TTC29: variants seen among roughly 807,000 people sequenced by gnomAD.
TTC29 encodes tetratricopeptide repeat domain 29.
Under a neutral mutation model 58.1 loss-of-function variants are expected in TTC29, and 49 were observed. The observed-to-expected ratio is 0.84, with a 90% CI of 0.67 to 1.07. TTC29 has a LOEUF of 1.07. Among genes scored for constraint, TTC29 ranks in the 50% least tolerant of loss-of-function variants. The pLI is 0.00. For missense variants in TTC29, 582 were observed against 555.6 expected (o/e 1.05, Z -0.48); for synonymous variants, 209 against 196.8 (o/e 1.06, Z -0.52).
intron 8 of TTC29, among the ~76,000 whole-genome samples, chr4:146,839,785 A>G (rs1728738904): frequency 6.6e-6 from 1 of 151,492 alleles, no homozygotes; most frequent in Admixed American, 6.6e-5. Context: ...ATTCCGCAAT[A>G]CCTTGGCATC....
chr4:146,745,611 G>T (rs191481411), intron 11 of TTC29, among the ~76,000 whole-genome samples: 1 of 152,210 alleles, frequency 6.6e-6, no homozygotes, highest in Non-Finnish European at 1.5e-5. Flanking sequence ...TCAATAGGTG[G>T]ACGGTTGCTT....
intron 11 of TTC29, among the ~76,000 whole-genome samples, chr4:146,771,100 C>T (rs1014250815): frequency 2.6e-5 from 4 of 151,996 alleles, no homozygotes; most frequent in African/African-American, 9.7e-5. Flanking sequence ...ATATACACAT[C>T]ATAATTTTTG....
intron 6 of TTC29, among the ~76,000 whole-genome samples, chr4:146,898,312 G>A (rs1017376189): frequency 7.9e-5 from 12 of 152,172 alleles, no homozygotes; most frequent in African/African-American, 2.4e-4. Context: ...GGGAGTGCTG[G>A]TAGTTATTTC....
chr4:146,848,944 A>C (rs1178848275), intron 8 of TTC29, among the ~76,000 whole-genome samples: 1 of 152,218 alleles, frequency 6.6e-6, no homozygotes, highest in African/African-American at 2.4e-5. Flanking sequence ...CCAAGCACAC[A>C]TCCCAAGGTG....
intron 8 of TTC29, among the ~76,000 whole-genome samples, chr4:146,852,501 A>G (rs985947285): frequency 6.6e-6 from 1 of 152,200 alleles, no homozygotes; most frequent in Non-Finnish European, 1.5e-5. Context: ...CTGCCCCAGT[A>G]GCCCTACTCA....
intron 10 of TTC29, 144 bp downstream of exon 10, chr4:146,819,981 C>T (rs1579752746): frequency 1.9e-6 from 2 of 1,069,382 alleles, no homozygotes; most frequent in Non-Finnish European, 2.7e-6. Context: ...TTGCCATGGA[C>T]ATTAACTACA....
chr4:146,728,381 C>A (rs1246106893), intron 11 of TTC29, among the ~76,000 whole-genome samples: 1 of 151,814 alleles, frequency 6.6e-6, no homozygotes, highest in Admixed American at 6.6e-5. Flanking sequence ...TGTTTGCAAT[C>A]TTTTGTAATA....
chr4:146,945,586 T>G (rs1736860734), intron 1 of TTC29, 123 bp downstream of exon 1: 1 of 152,514 alleles, frequency 6.6e-6, no homozygotes, highest in Non-Finnish European at 1.5e-5. Context: ...TGAGGAAGCT[T>G]GAGAAAGACT....
chr4:146,880,331 A>T (rs1731542320), intron 6 of TTC29, among the ~76,000 whole-genome samples: 1 of 152,128 alleles, frequency 6.6e-6, no homozygotes, highest in African/African-American at 2.4e-5. Context: ...GCATGCATTT[A>T]TAGTTTTTTA....
chr4:146,765,667 T>C (rs1315471931), intron 11 of TTC29, among the ~76,000 whole-genome samples: 2 of 152,194 alleles, frequency 1.3e-5, no homozygotes, highest in Non-Finnish European at 2.9e-5. Context: ...ACTTAAGCAA[T>C]AACACTCCCA....
chr4:146,871,066 T>C (rs1370275887), intron 7 of TTC29, among the ~76,000 whole-genome samples: 2 of 151,810 alleles, frequency 1.3e-5, no homozygotes, highest in East Asian at 1.9e-4. Context: ...CCTACGAATA[T>C]AGTCACAAAA....
chr4:146,806,694 T>C (rs188970128), intron 10 of TTC29, among the ~76,000 whole-genome samples: 144 of 151,094 alleles, frequency 9.5e-4, no homozygotes, highest in African/African-American at 3.3e-3. Context: ...CTAACTAGCC[T>C]AAATACATAT....
intron 11 of TTC29, among the ~76,000 whole-genome samples, chr4:146,765,830 G>T (rs983080726): frequency 2.6e-5 from 4 of 152,034 alleles, no homozygotes; most frequent in African/African-American, 9.7e-5. Flanking sequence ...AACTTGGTCT[G>T]GGAGTGCAAA....
chr4:146,941,771 T>C (rs933879534), intron 2 of TTC29, among the ~76,000 whole-genome samples: 9 of 152,172 alleles, frequency 5.9e-5, no homozygotes, highest in African/African-American at 1.7e-4. Flanking sequence ...CTGACTTGCA[T>C]CCTGAAAAAA....
chr4:146,864,498 G>C (rs2150204871), intron 8 of TTC29, among the ~76,000 whole-genome samples: 1 of 152,246 alleles, frequency 6.6e-6, no homozygotes, highest in Admixed American at 6.5e-5. Context: ...ATCACCCTAT[G>C]TATTAGTTCT....
rs564069622 is a variant in TTC29 at position 146,824,378 on chromosome 4, G to A, written c.978-4130C>T. ...AGGTAATCCTGTTGTTTTTGTCATT[G>A]GCTCTGTTCATGTGATGGGTTACAT... On this transcript the variant is annotated intron_variant, in intron 9 of 12. Transcript: ENST00000325106. Among the ~76,000 whole-genome samples, 19 of 152,212 alleles carry A rather than the reference G, an allele frequency of 1.2e-4. No individual in the cohort carries two copies. In the South Asian group the frequency reaches 1.9e-3, roughly 15 times the overall value.
chr4:146,737,997 G>A (rs2150030137), intron 11 of TTC29, among the ~76,000 whole-genome samples: 1 of 152,192 alleles, frequency 6.6e-6, no homozygotes, highest in East Asian at 1.9e-4. Flanking sequence ...CACCCCACCT[G>A]GCAAAATTGG....
intron 11 of TTC29, among the ~76,000 whole-genome samples, chr4:146,728,182 G>A (rs768879124): frequency 5.3e-5 from 8 of 151,854 alleles, no homozygotes; most frequent in Non-Finnish European, 8.8e-5. Context: ...AGCTACTCAG[G>A]AGGCTGAGGC....
At chr4:146,921,422 T>A (rs999668234) in intron 4 of TTC29, among the ~76,000 whole-genome samples, 15 of 151,316 alleles carry the variant, frequency 9.9e-5, no homozygotes, top group African/African-American at 2.9e-4. Context: ...TAAACTTTTT[T>A]AAAAAAGTAT....
Sources: allele counts gnomAD v4.1 joint callset (sites outside exome capture counted in the v4.1 genomes callset), GRCh38; gene constraint gnomAD v4.1.1; transcripts MANE v1.5; gene names NCBI Gene and HGNC (gene_info 2026-07-23, HGNC 2026-07-21).